The following DIP2C variants were observed in gnomAD, a reference collection of about 807,000 sequenced individuals.
DIP2C encodes the protein disco-interacting protein 2 homolog C.
DIP2C carries 33 observed loss-of-function variants against 192.4 expected under a neutral mutation model. The ratio of observed to expected loss-of-function variants is 0.17; its 90% CI spans 0.13 to 0.23. The LOEUF is 0.23. Ranked by LOEUF, DIP2C falls within the 10% of genes least tolerant of loss-of-function variation. The probability of loss-of-function intolerance (pLI) is 1.00; values close to 1 mark genes in which losing one functional copy is unlikely to be tolerated. For synonymous variants in DIP2C, 979 were observed against 864.1 expected (o/e 1.13, Z -2.33); for missense variants, 1,537 against 2,110.1 (o/e 0.73, Z 5.32).
chr10:366,679 G>C (rs2132753697), intron 18 of DIP2C, among the ~76,000 whole-genome samples: 1 of 152,244 alleles, frequency 6.6e-6, no homozygotes, highest in East Asian at 1.9e-4. Flanking sequence ...TTAGGGGCGT[G>C]ACATCATCTG....
At chr10:313,206 G>A (rs112460440) in intron 31 of DIP2C, among the ~76,000 whole-genome samples, 1,725 of 152,218 alleles carry the variant, frequency 0.011, 29 homozygotes, top group African/African-American at 0.038. Flanking sequence ...CCTTAAATAC[G>A]GAGATCCCTA....
chr10:489,077 T>C (rs1002432912), intron 1 of DIP2C, among the ~76,000 whole-genome samples: 5 of 152,202 alleles, frequency 3.3e-5, no homozygotes, highest in Non-Finnish European at 5.9e-5. Flanking sequence ...GACGGCTTGA[T>C]GTGCATGCTA....
At chr10:395,163 CATGGGGA>C in intron 10 of DIP2C, among the ~76,000 whole-genome samples, 1 of 70,488 alleles carries the variant, frequency 1.4e-5, no homozygotes. Flanking sequence ...GGAGGGAGGA[CATGGGGA>C]GATGTTGGTC....
Position 486,497 on chromosome 10 carries a change from C to T in DIP2C, c.119G>A (p.Arg40Lys). 6.2e-7 allele frequency: 1 copy of T among 1,605,758 alleles called. No homozygotes were observed. Among genetic ancestry groups the T allele is most frequent in the Non-Finnish European group, 8.5e-7 (1 of 1,176,274 alleles). The change falls in exon 2 of 37, where the codon AGG (arginine) becomes AAG (lysine). Residue 40 changes from arginine (R) to lysine (K), a missense_variant. Physicochemically the swap from Arg to Lys is conservative, Grantham distance 26. Coordinates refer to ENST00000280886, the MANE Select transcript of DIP2C (RefSeq NM_014974.3). ...AAGGTAGGCTCCAATTAACTTTGAC[C>T]TCTTCTTTTCATATCCTTTTTGTGT... The part of the protein sequence containing the change: ...DITQKGYEKK[R>K]SKLIGAYLPQ...
chr10:667,914 C>T (rs544855855), intron 1 of DIP2C: 9 of 152,216 alleles, frequency 5.9e-5, no homozygotes, highest in African/African-American at 2.2e-4. Flanking sequence ...ATGTACAACA[C>T]ATGCAACTCA....
intron 1 of DIP2C, among the ~76,000 whole-genome samples, chr10:509,275 C>T (rs1845847360): frequency 6.6e-6 from 1 of 152,172 alleles, no homozygotes; most frequent in Non-Finnish European, 1.5e-5. Flanking sequence ...TATTCCCGCA[C>T]GCACCGATAT....
chr10:663,107 G>A, intron 1 of DIP2C: 1 of 550,284 alleles, frequency 1.8e-6, no homozygotes, highest in Non-Finnish European at 3.3e-6. Flanking sequence ...CTGGTCTGCA[G>A]AGGGGGAGAT....
At chr10:389,957 C>T (rs764547990) in intron 13 of DIP2C, 34 bp downstream of exon 13, 219 of 1,562,512 alleles carry the variant, frequency 1.4e-4, no homozygotes, top group Non-Finnish European at 1.6e-4. Flanking sequence ...CGGTTAGAAC[C>T]AGGGTCCCAA....
intron 1 of DIP2C, among the ~76,000 whole-genome samples, chr10:566,369 G>A (rs532628858): frequency 5.4e-4 from 82 of 152,342 alleles, no homozygotes; most frequent in African/African-American, 1.9e-3. Flanking sequence ...CAGTGTTGCT[G>A]CTGCCGGTTC....
chr10:511,474 C>A (rs1564805761), intron 1 of DIP2C, among the ~76,000 whole-genome samples: 1 of 152,232 alleles, frequency 6.6e-6, no homozygotes, highest in Non-Finnish European at 1.5e-5. Context: ...AGTGCCTTAT[C>A]CTTCAATGCT....
At chr10:552,312 T>A (rs1392243660) in intron 1 of DIP2C, among the ~76,000 whole-genome samples, 1 of 152,256 alleles carries the variant, frequency 6.6e-6, no homozygotes, top group African/African-American at 2.4e-5. Context: ...TAATAGGGTC[T>A]ATGCAGAGGA....
chr10:393,307 C>A (rs1963645779), intron 10 of DIP2C, among the ~76,000 whole-genome samples: 1 of 152,140 alleles, frequency 6.6e-6, no homozygotes, highest in Non-Finnish European at 1.5e-5. Context: ...CTCATCTGAC[C>A]TCACTTTGAC....
chr10:469,840 CCTAA>C (rs1970488044), intron 3 of DIP2C, among the ~76,000 whole-genome samples: 1 of 152,192 alleles, frequency 6.6e-6, no homozygotes, highest in African/African-American at 2.4e-5. Context: ...GCCGCTCCTA[CCTAA>C]CTTCTTGCCG....
intron 3 of DIP2C, among the ~76,000 whole-genome samples, chr10:467,824 G>A (rs988309427): frequency 1.3e-5 from 2 of 152,108 alleles, no homozygotes; most frequent in African/African-American, 2.4e-5. Flanking sequence ...ACTACAGGAG[G>A]GATAGCATTA....
chr10:565,198 T>A (rs200419381), intron 1 of DIP2C, among the ~76,000 whole-genome samples: 2 of 152,030 alleles, frequency 1.3e-5, no homozygotes, highest in South Asian at 2.1e-4. Flanking sequence ...ATTCCATCAA[T>A]AGACTAAGCG....
chr10:564,183 C>T (rs1165568542), intron 1 of DIP2C, among the ~76,000 whole-genome samples: 1 of 152,164 alleles, frequency 6.6e-6, no homozygotes. Flanking sequence ...CCTCTCATTA[C>T]TCACTAGCAG....
At chr10:459,687 A>AC (rs1969594074) in intron 3 of DIP2C, among the ~76,000 whole-genome samples, 1 of 150,512 alleles carries the variant, frequency 6.6e-6, no homozygotes, top group Non-Finnish European at 1.5e-5. Context: ...GGCGTGCTGC[A>AC]CGTGGGCTCT....
chr10:358,893 A>G (rs987504164), intron 22 of DIP2C, among the ~76,000 whole-genome samples: 4 of 151,466 alleles, frequency 2.6e-5, no homozygotes, highest in Non-Finnish European at 5.9e-5. Context: ...GTTTACCAAA[A>G]GAATTGCAGG....
intron 1 of DIP2C, among the ~76,000 whole-genome samples, chr10:568,604 A>G (rs1472155315): frequency 6.6e-6 from 1 of 151,686 alleles, no homozygotes; most frequent in Non-Finnish European, 1.5e-5. Flanking sequence ...CGTCTCTACT[A>G]AAAATACAAA....
Sources: gnomAD v4.1 joint callset for allele counts (sites outside exome capture counted in the v4.1 genomes callset) on GRCh38, gnomAD v4.1.1 for gene constraint, MANE v1.5 for transcripts, NCBI Gene and HGNC (gene_info 2026-07-23, HGNC 2026-07-21) for gene names.